Variants in NR5A2 observed in about 807,000 individuals in gnomAD.
NR5A2 encodes nuclear receptor subfamily 5 group A member 2, also known as CYP7A promoter-binding factor.
NR5A2 carries 26 observed loss-of-function variants against 62.7 expected under a neutral mutation model. The ratio of observed to expected loss-of-function variants is 0.41; its 90% confidence interval spans 0.30 to 0.58. The LOEUF (loss-of-function observed/expected upper bound fraction) is 0.58, where lower values mean the gene tolerates loss of function less well. Ranked by LOEUF, NR5A2 falls within the 20% of genes least tolerant of loss-of-function variation. The probability of loss-of-function intolerance (pLI) is 0.22; values close to 1 mark genes in which losing one functional copy is unlikely to be tolerated. For missense variants in NR5A2, 541 were observed against 669.1 expected (o/e 0.81, Z 2.11); for synonymous variants, 246 against 241.7 (o/e 1.02, Z -0.16).
Position 200,143,183 on chromosome 1 carries a change from A to G in NR5A2, c.1378+22228A>G, listed in dbSNP as rs574558732. 2.7e-3 allele frequency among the ~76,000 whole-genome samples: 418 copies of G among 152,078 alleles called. 2 individuals are homozygous for G. The highest frequency in any genetic ancestry group is 4.6e-3 in the Non-Finnish European group (310 of 67,980). ...ACACACACTGTGCTCACTCCTCTGC[A>G]TTTAGCATTTCTGTATTAGCTTCTG... On this transcript the variant is annotated intron_variant, in intron 7 of 7. Transcript: ENST00000367362.
Position 200,039,752 on chromosome 1 carries a change from T to C in NR5A2, c.159T>C (p.Ala53=). 6.2e-7 allele frequency: 1 copy of C among 1,610,350 alleles called. No individual in the cohort carries two copies. The highest frequency in any genetic ancestry group is 8.5e-7 in the Non-Finnish European group (1 of 1,178,458). Residue 53 remains alanine, a synonymous_variant, in exon 2 of 8, where the codon GCT becomes GCC. Coordinates refer to ENST00000367362, the MANE Select transcript of NR5A2 (RefSeq NM_205860.3). This position sits in a 1 kb window ranked among gnomAD's most constrained non-coding sequence, Gnocchi z 5.1. Reference sequence around the variant, plus strand: ...TGGAGACGGAAGCCCTGGGACTGGCTCGATCGCATGGGGAACAGGGCCAGA... The same window carrying C: ...TGGAGACGGAAGCCCTGGGACTGGCCCGATCGCATGGGGAACAGGGCCAGA... ...PKVETEALGL[A]RSHGEQGQMP...
chr1:200,133,604 CATATAT>C (rs71132670), intron 7 of NR5A2, among the ~76,000 whole-genome samples: 311 of 91,526 alleles, frequency 3.4e-3, no homozygotes, highest in African/African-American at 0.014. Flanking sequence ...TATATATACA[CATATAT>C]ACACACACAC....
chr1:200,144,773 C>T (rs561207015), intron 7 of NR5A2, among the ~76,000 whole-genome samples: 71 of 152,186 alleles, frequency 4.7e-4, no homozygotes, highest in African/African-American at 1.6e-3. Context: ...TCACCAATTA[C>T]GGTATGAGGT....
Position 200,048,550 on chromosome 1 carries a change from C to T in NR5A2, c.842C>T (p.Pro281Leu). 1 of 1,614,160 alleles carries T rather than the reference C, an allele frequency of 6.2e-7. No individual in the cohort carries two copies. Among genetic ancestry groups the T allele is most frequent in the Non-Finnish European group, 8.5e-7 (1 of 1,180,036 alleles). The change falls in exon 5 of 8, where the codon CCC becomes CTC. Residue 281 changes from proline (P) to leucine (L), a missense_variant. Pro to Leu is a moderately conservative substitution (Grantham distance 98, BLOSUM62 -3). Coordinates refer to ENST00000367362, the MANE Select transcript of NR5A2 (RefSeq NM_205860.3). The surrounding 1 kb of genome is among the most constrained non-coding windows in gnomAD (Gnocchi z 4.8). ...SEYPDPYTSS[P>L]ESIMGYSYMD... Reference sequence around the variant, plus strand: ...TACCCAGACCCCTATACCAGCTCACCCGAGTCCATAATGGGCTATTCATAT... The same window carrying T: ...TACCCAGACCCCTATACCAGCTCACTCGAGTCCATAATGGGCTATTCATAT...
At chr1:200,149,430 T>C (rs1667888287) in intron 7 of NR5A2, among the ~76,000 whole-genome samples, 1 of 152,236 alleles carries the variant, frequency 6.6e-6, no homozygotes, top group Non-Finnish European at 1.5e-5. Flanking sequence ...CTGGGATTAC[T>C]TGACTGCTGC....
chr1:200,060,258 T>G lies in NR5A2; in HGVS notation c.1110+11440T>G, dbSNP rs1377134439. The stretch of plus-strand genomic sequence containing the variant: ...AGGCATTACCTTGTCCTCAGCTGCA[T>G]CTTCATTTACCCTTCAGGTGAAATG... On this transcript the variant is annotated intron_variant, in intron 5 of 7. Transcript: ENST00000367362. 3.9e-5 allele frequency among the ~76,000 whole-genome samples: 6 copies of G among 152,228 alleles called. No homozygotes were observed. The South Asian group carries it at 1.2e-3, about 32-fold the overall frequency.
chr1:200,165,123 C>A (rs941710410), intron 7 of NR5A2, among the ~76,000 whole-genome samples: 1 of 151,920 alleles, frequency 6.6e-6, no homozygotes, highest in Non-Finnish European at 1.5e-5. Context: ...GTGATCTGCC[C>A]GCCTCGGCCT....
chr1:200,138,443 T>A (rs1571541365), intron 7 of NR5A2, among the ~76,000 whole-genome samples: 1 of 152,210 alleles, frequency 6.6e-6, no homozygotes, highest in South Asian at 2.1e-4. Context: ...ATCAATGTTT[T>A]TCCATATAAT....
intron 5 of NR5A2, chr1:200,058,149 C>T (rs970016363): frequency 1.3e-5 from 2 of 152,176 alleles, no homozygotes; most frequent in Non-Finnish European, 2.9e-5. Flanking sequence ...CTTCCATATA[C>T]ATTTTTTTGG....
Position 200,107,196 on chromosome 1 carries a change from G to T in NR5A2, c.1111-4006G>T, listed in dbSNP as rs148291140. 2.0e-5 allele frequency among the ~76,000 whole-genome samples: 3 copies of T among 152,074 alleles called. No individual in the cohort carries two copies. In the East Asian group the frequency reaches 5.8e-4, roughly 29 times the overall value. On this transcript the variant is annotated intron_variant, in intron 5 of 7. Coordinates refer to ENST00000367362, the MANE Select transcript of NR5A2 (RefSeq NM_205860.3). ...AATTCTACAAACAAACAATGAAAGA[G>T]TTGTTTGCTTATGTTGTGGGCTAGA...
At chr1:200,040,521 C>T (rs1288789649) in intron 2 of NR5A2, among the ~76,000 whole-genome samples, 4 of 151,840 alleles carry the variant, frequency 2.6e-5, no homozygotes, top group Non-Finnish European at 5.9e-5. Flanking sequence ...AAACAAATCC[C>T]GCTGGCTACA....
intron 7 of NR5A2, among the ~76,000 whole-genome samples, chr1:200,143,432 T>C (rs966481166): frequency 2.0e-5 from 3 of 151,732 alleles, no homozygotes; most frequent in African/African-American, 7.3e-5. Context: ...TTGTTTTTTT[T>C]TTCCCCCTTC....
intron 5 of NR5A2, among the ~76,000 whole-genome samples, chr1:200,084,912 C>T (rs12037598): frequency 2.6e-5 from 4 of 152,198 alleles, no homozygotes; most frequent in African/African-American, 9.7e-5. Context: ...AATACTGCTA[C>T]AGTCTAATAC....
intron 5 of NR5A2, among the ~76,000 whole-genome samples, chr1:200,056,134 C>T (rs1439492086): frequency 2.0e-5 from 3 of 152,178 alleles, no homozygotes; most frequent in South Asian, 2.1e-4. Context: ...TGCTTACATA[C>T]GTATATTGCA....
At chr1:200,090,945 C>G (rs1471262612) in intron 5 of NR5A2, among the ~76,000 whole-genome samples, 1 of 152,190 alleles carries the variant, frequency 6.6e-6, no homozygotes, top group Admixed American at 6.5e-5. Context: ...AACCTGTGTT[C>G]TGGTGCCATC....
chr1:200,174,435 T>C lies in NR5A2; in HGVS notation c.*225T>C, dbSNP rs1654330142. On this transcript the variant is annotated 3_prime_UTR_variant, in exon 8 of 8. Coordinates refer to ENST00000367362, the MANE Select transcript of NR5A2 (RefSeq NM_205860.3). ...TATTGCAAACTGTGAATCAAAGGCT[T>C]CACAGCCCCAGAGGATTCCATATAA... is the stretch of plus-strand genomic sequence containing the variant. 2.7e-6 allele frequency: 1 copy of C among 369,650 alleles called. No homozygotes were observed. The highest frequency in any genetic ancestry group is 4.7e-5 in the East Asian group (1 of 21,124). 22.9% of individuals were successfully genotyped at this position (369,650 alleles called of 1,614,324 possible). A position where few individuals can be genotyped will look rare whatever the true frequency, so the allele number is the denominator to read the frequency against.
intron 5 of NR5A2, among the ~76,000 whole-genome samples, chr1:200,066,588 C>CTTTTCTTTTTT (rs1553267898): frequency 8.8e-6 from 1 of 113,154 alleles, no homozygotes; most frequent in African/African-American, 4.1e-5. Context: ...AATTAATTAT[C>CTTTTCTTTTTT]TTTTTTTTTT....
intron 7 of NR5A2, among the ~76,000 whole-genome samples, chr1:200,163,335 C>CA (rs1653735649): frequency 6.7e-6 from 1 of 148,612 alleles, no homozygotes; most frequent in African/African-American, 2.5e-5. Context: ...AGAATTTAAA[C>CA]AAAAAAGCTT....
chr1:200,140,601 A>C (rs1667402779), intron 7 of NR5A2, among the ~76,000 whole-genome samples: 1 of 152,182 alleles, frequency 6.6e-6, no homozygotes, highest in South Asian at 2.1e-4. Flanking sequence ...TCTAGCCTAC[A>C]ATCCCTTTAA....
Sources: allele counts gnomAD v4.1 joint callset (sites outside exome capture counted in the v4.1 genomes callset), GRCh38; gene constraint gnomAD v4.1.1; non-coding constraint Gnocchi (gnomAD v3.1); transcripts MANE v1.5; gene names NCBI Gene and HGNC (gene_info 2026-07-23, HGNC 2026-07-21).